The following CSMD3 variants were observed in gnomAD, a reference collection of about 807,000 sequenced individuals.
CSMD3 encodes CUB and sushi domain-containing protein 3.
A neutral mutation model predicts 435.2 loss-of-function variants in CSMD3; 177 were observed. That is an observed-to-expected ratio of 0.41 (90% CI 0.36 to 0.46). The LOEUF (loss-of-function observed/expected upper bound fraction) is 0.46, where lower values mean the gene tolerates loss of function less well. Ranked by LOEUF, CSMD3 falls within the 20% of genes least tolerant of loss-of-function variation. The pLI is 0.34. For missense variants in CSMD3, 4,265 were observed against 4,504.6 expected (o/e 0.95, Z 1.52); for synonymous variants, 1,656 against 1,520.5 (o/e 1.09, Z -2.07).
At position 112,843,810 on chromosome 8, in the gene CSMD3, A is replaced by G. The variant is rs74978867; in HGVS notation, c.1756-14021T>C. Reference sequence around the variant, plus strand: ...CCAAAAAGGAATATAGTGTGCTGACAACTTAGTTTTATTGCAGTGAGCCCC... The same window carrying G: ...CCAAAAAGGAATATAGTGTGCTGACGACTTAGTTTTATTGCAGTGAGCCCC... On this transcript the variant is annotated intron_variant, in intron 11 of 70. Transcript: ENST00000297405. Among the ~76,000 whole-genome samples the G allele has an allele frequency of 6.6e-3, 1,004 of 152,100 alleles. 11 individuals are homozygous for G. The highest frequency in any genetic ancestry group is 0.023 in the African/African-American group (953 of 41,550).
At chr8:113,225,524 CAT>C (rs2093016733) in intron 3 of CSMD3, among the ~76,000 whole-genome samples, 1 of 151,500 alleles carries the variant, frequency 6.6e-6, no homozygotes, top group Admixed American at 6.6e-5. Context: ...TCAAATACCA[CAT>C]GTTCTTACTT....
At chr8:113,073,129 C>G (rs941970926) in intron 5 of CSMD3, among the ~76,000 whole-genome samples, 2 of 151,782 alleles carry the variant, frequency 1.3e-5, no homozygotes, top group African/African-American at 4.8e-5. Context: ...GCACATTTAT[C>G]CATATGAAAT....
intron 61 of CSMD3, among the ~76,000 whole-genome samples, chr8:112,258,510 A>C (rs923066931): frequency 2.0e-5 from 3 of 152,242 alleles, no homozygotes; most frequent in African/African-American, 7.2e-5. Flanking sequence ...TATGCAGCCA[A>C]CAAACACACG....
chr8:112,636,503 CT>C (rs2074661830), intron 22 of CSMD3, among the ~76,000 whole-genome samples: 1 of 145,160 alleles, frequency 6.9e-6, no homozygotes, highest in East Asian at 2.0e-4. Context: ...TCTATATCAT[CT>C]ATCTTTCTCC....
At chr8:113,355,722 T>TTATA (rs1299902928) in intron 1 of CSMD3, among the ~76,000 whole-genome samples, 42 of 77,810 alleles carry the variant, frequency 5.4e-4, no homozygotes, top group Non-Finnish European at 7.2e-4. Flanking sequence ...AGTTTTATTT[T>TTATA]TATATATATA....
chr8:112,917,538 T>C (rs560178441), intron 10 of CSMD3, among the ~76,000 whole-genome samples: 17 of 151,744 alleles, frequency 1.1e-4, no homozygotes, highest in Non-Finnish European at 2.2e-4. Flanking sequence ...AAATCATGGG[T>C]GATTTTGGAA....
intron 35 of CSMD3, among the ~76,000 whole-genome samples, chr8:112,401,924 T>A (rs2129933472): frequency 6.6e-6 from 1 of 152,298 alleles, no homozygotes; most frequent in Admixed American, 6.5e-5. Context: ...AAAAATAAAA[T>A]GTCAACAAAT....
At chr8:113,378,045 A>C (rs2094396932) in intron 1 of CSMD3, among the ~76,000 whole-genome samples, 1 of 152,280 alleles carries the variant, frequency 6.6e-6, no homozygotes, top group African/African-American at 2.4e-5. Flanking sequence ...ACAGCTCTTT[A>C]AATAGATTTT....
At position 112,636,932 on chromosome 8, in the gene CSMD3, A is replaced by G. The variant is rs770435692; in HGVS notation, c.3600T>C (p.Ile1200=). ...YGSRIGFNFG[I]GDTLTFSCSS... ...AGCATGAGAAGGTCAGAGTGTCACC[A>G]ATCCCAAAGTTGAACCCGATTCGAC... The change falls in exon 22 of 71, where the codon ATT becomes ATC. Residue 1200 remains isoleucine (I), a synonymous_variant. Transcript: ENST00000297405. The G allele has an allele frequency of 3.1e-6, 5 of 1,613,660 alleles. No individual in the cohort carries two copies. The highest frequency in any genetic ancestry group is 4.2e-6 in the Non-Finnish European group (5 of 1,179,804).
intron 5 of CSMD3, among the ~76,000 whole-genome samples, chr8:113,070,003 T>TTA (rs1180168713): frequency 1.3e-5 from 2 of 152,108 alleles, no homozygotes; most frequent in African/African-American, 4.8e-5. Context: ...GCCACTGAGA[T>TTA]GCTGGAGTTA....
Position 112,592,616 on chromosome 8 carries a change from C to T in CSMD3, c.3716-5381G>A, listed in dbSNP as rs774755800. Reference sequence around the variant, plus strand: ...GTGTGAATTGCAGTCATAATTGAAACGCTTAAATTCAAAACTTTTTAAAAT... The same window carrying T: ...GTGTGAATTGCAGTCATAATTGAAATGCTTAAATTCAAAACTTTTTAAAAT... On this transcript the variant is annotated intron_variant, in intron 22 of 70. Coordinates refer to ENST00000297405, the MANE Select transcript of CSMD3 (RefSeq NM_198123.2). Among the ~76,000 whole-genome samples the T allele has an allele frequency of 1.1e-4, 17 of 151,962 alleles. No individual in the cohort carries two copies. In the East Asian group the frequency reaches 1.9e-3, roughly 17 times the overall value.
At chr8:112,369,712 G>T (rs948563970) in intron 38 of CSMD3, among the ~76,000 whole-genome samples, 5 of 151,758 alleles carry the variant, frequency 3.3e-5, no homozygotes, top group Non-Finnish European at 7.4e-5. Flanking sequence ...GGGCCTGTTG[G>T]GAGTTGGGGT....
intron 3 of CSMD3, among the ~76,000 whole-genome samples, chr8:113,277,726 T>C (rs976345852): frequency 4.6e-5 from 7 of 151,964 alleles, no homozygotes; most frequent in African/African-American, 1.7e-4. Context: ...TCTGATACAC[T>C]ATCCCTATGG....
At chr8:112,578,315 T>G (rs570051019) in intron 23 of CSMD3, among the ~76,000 whole-genome samples, 1 of 152,086 alleles carries the variant, frequency 6.6e-6, no homozygotes, top group Admixed American at 6.6e-5. Flanking sequence ...GGACCAACTT[T>G]ACAGGGGCAT....
rs547055861 is a variant in CSMD3 at position 113,342,157 on chromosome 8, A to C, written c.179-27364T>G. On this transcript the variant is annotated intron_variant, in intron 1 of 70. Coordinates refer to ENST00000297405, the MANE Select transcript of CSMD3 (RefSeq NM_198123.2). The stretch of plus-strand genomic sequence containing the variant: ...ACACGTGGACCAAATATGCCTCTTA[A>C]AAGTAGAAATAATTAAACTGTGTCG... Among the ~76,000 whole-genome samples, 17 of 152,274 alleles carry C rather than the reference A, an allele frequency of 1.1e-4. No individual in the cohort carries two copies. In the South Asian group the frequency reaches 3.1e-3, roughly 28 times the overall value.
chr8:113,432,687 C>A (rs1409606712), intron 1 of CSMD3, among the ~76,000 whole-genome samples: 1 of 152,150 alleles, frequency 6.6e-6, no homozygotes, highest in African/African-American at 2.4e-5. Flanking sequence ...TTCCGAACTC[C>A]CCGAGTGCGT....
intron 5 of CSMD3, among the ~76,000 whole-genome samples, chr8:113,088,631 G>C (rs1452104783): frequency 6.7e-6 from 1 of 148,206 alleles, no homozygotes; most frequent in Non-Finnish European, 1.5e-5. Flanking sequence ...AACACCGCAT[G>C]TTCTCACTCA....
intron 11 of CSMD3, among the ~76,000 whole-genome samples, chr8:112,845,482 C>T (rs1190784365): frequency 6.6e-6 from 1 of 151,946 alleles, no homozygotes; most frequent in East Asian, 1.9e-4. Flanking sequence ...AAGTATATTC[C>T]CTACAGAAGG....
At chr8:112,295,240 A>G (rs2130708706) in intron 54 of CSMD3, among the ~76,000 whole-genome samples, 1 of 152,262 alleles carries the variant, frequency 6.6e-6, no homozygotes, top group Admixed American at 6.5e-5. Context: ...CTTCAACCAC[A>G]CACTCTCTAT....
Sources: gnomAD v4.1 joint callset for allele counts (sites outside exome capture counted in the v4.1 genomes callset) on GRCh38, gnomAD v4.1.1 for gene constraint, MANE v1.5 for transcripts, NCBI Gene and HGNC (gene_info 2026-07-23, HGNC 2026-07-21) for gene names.